Variants in MCUB observed in about 807,000 individuals in gnomAD.
MCUB encodes mitochondrial calcium uniporter dominant negative subunit beta.
A neutral mutation model predicts 41.4 loss-of-function variants in MCUB; 46 were observed. The observed-to-expected ratio is 1.11, with a 90% CI of 0.88 to 1.42. The LOEUF is 1.42. MCUB is among the 40% of genes most tolerant of loss of function. The pLI, the probability that MCUB is intolerant of heterozygous loss-of-function variation, is 0.00. For missense variants in MCUB, 403 were observed against 404.9 expected (o/e 1.00, Z 0.04); for synonymous variants, 148 against 148.2 (o/e 1.00, Z 0.01).
chr4:109,686,313 A>G (rs1442108163), intron 7 of MCUB, among the ~76,000 whole-genome samples: 1 of 152,028 alleles, frequency 6.6e-6, no homozygotes, highest in Non-Finnish European at 1.5e-5. Context: ...TACTTTTTGT[A>G]TTTTTAGTAG....
At chr4:109,674,900 C>T (rs1231054753) in intron 4 of MCUB, among the ~76,000 whole-genome samples, 2 of 152,204 alleles carry the variant, frequency 1.3e-5, no homozygotes, top group Non-Finnish European at 2.9e-5. Context: ...AAACATTGAA[C>T]TGAACAAATT....
intron 1 of MCUB, among the ~76,000 whole-genome samples, chr4:109,621,864 G>A (rs530723533): frequency 2.6e-5 from 4 of 152,102 alleles, no homozygotes; most frequent in African/African-American, 9.6e-5. Flanking sequence ...TTATAATGTG[G>A]GGATTTTAGG....
chr4:109,574,371 C>T (rs1369944986), intron 1 of MCUB, among the ~76,000 whole-genome samples: 1 of 152,110 alleles, frequency 6.6e-6, no homozygotes, highest in Non-Finnish European at 1.5e-5. Context: ...TAATAGACTG[C>T]TTCTTGAAGT....
At chr4:109,566,942 C>T (rs1027105077) in intron 1 of MCUB, among the ~76,000 whole-genome samples, 2 of 152,244 alleles carry the variant, frequency 1.3e-5, no homozygotes, top group Admixed American at 6.5e-5. Context: ...GAAACCCCAT[C>T]TCTACTAAAA....
At chr4:109,653,570 A>T (rs912447439) in intron 1 of MCUB, among the ~76,000 whole-genome samples, 1 of 151,998 alleles carries the variant, frequency 6.6e-6, no homozygotes, top group Non-Finnish European at 1.5e-5. Context: ...ACTAGAATTT[A>T]GGCTATTAAG....
chr4:109,607,903 CTT>C (rs1727916052), intron 1 of MCUB, among the ~76,000 whole-genome samples: 1 of 152,062 alleles, frequency 6.6e-6, no homozygotes, highest in Non-Finnish European at 1.5e-5. Flanking sequence ...TGTTTTGTAA[CTT>C]TCTTGTATTT....
In MCUB at chr4:109,687,498, TC is replaced by T; in HGVS notation, c.934-16del. 6.3e-7 allele frequency: 1 copy of T among 1,589,256 alleles called. No individual in the cohort carries two copies. The highest frequency in any genetic ancestry group is 8.6e-7 in the Non-Finnish European group (1 of 1,159,664). The stretch of plus-strand genomic sequence containing the variant: ...CTCTTCTTTCTGATCACATGCTTTT[TC>T]TTTTTCCCATGACAGGCTAAAGAAT... On this transcript the variant is annotated splice_polypyrimidine_tract_variant and intron_variant, in intron 7 of 7. Coordinates refer to ENST00000394650, the MANE Select transcript of MCUB (RefSeq NM_017918.5).
At position 109,660,188 on chromosome 4, in the gene MCUB, T is replaced by C; in HGVS notation, c.176-7T>C. On this transcript the variant is annotated splice_region_variant and splice_polypyrimidine_tract_variant and intron_variant, in intron 2 of 7. Coordinates refer to ENST00000394650, the MANE Select transcript of MCUB (RefSeq NM_017918.5). ...TACTCATTTTTTTTTCTTTTTTTCC[T>C]TAACAGAAATAACAGTTATTTATAG... is the stretch of plus-strand genomic sequence containing the variant. The C allele has an allele frequency of 7.2e-7, 1 of 1,396,228 alleles. No individual in the cohort carries two copies. The highest frequency in any genetic ancestry group is 9.7e-7 in the Non-Finnish European group (1 of 1,030,940). The allele number at this position is 1,396,228 out of a possible 1,614,324, so 86.5% of individuals were successfully genotyped here.
chr4:109,572,025 TG>T (rs200019617), intron 1 of MCUB, among the ~76,000 whole-genome samples: 1 of 152,240 alleles, frequency 6.6e-6, no homozygotes, highest in East Asian at 1.9e-4. Context: ...AGTTTTGTTT[TG>T]GGGGTCACTG....
At chr4:109,623,252 T>G (rs916883846) in intron 1 of MCUB, among the ~76,000 whole-genome samples, 1 of 152,278 alleles carries the variant, frequency 6.6e-6, no homozygotes, top group East Asian at 1.9e-4. Context: ...TATCGAAAAA[T>G]TACTTGTCAT....
intron 1 of MCUB, among the ~76,000 whole-genome samples, chr4:109,619,187 C>CT (rs1728199730): frequency 6.6e-6 from 1 of 152,134 alleles, no homozygotes; most frequent in Non-Finnish European, 1.5e-5. Flanking sequence ...CTGCCTCAGC[C>CT]TCCTCAGCCT....
intron 1 of MCUB, among the ~76,000 whole-genome samples, chr4:109,653,549 A>G (rs1234352057): frequency 6.6e-6 from 1 of 151,966 alleles, no homozygotes; most frequent in Non-Finnish European, 1.5e-5. Context: ...TTTTCTATTG[A>G]CTTTATTCAG....
At chr4:109,613,550 C>T (rs140690750) in intron 1 of MCUB, among the ~76,000 whole-genome samples, 150 of 152,320 alleles carry the variant, frequency 9.8e-4, no homozygotes, top group Non-Finnish European at 1.7e-3. Flanking sequence ...AACATGGAAG[C>T]TTGTTTCATC....
intron 1 of MCUB, among the ~76,000 whole-genome samples, chr4:109,590,369 G>T (rs1727401877): frequency 1.3e-5 from 2 of 152,126 alleles, no homozygotes; most frequent in South Asian, 4.1e-4. Flanking sequence ...AAACACTGAT[G>T]AGAATAGTGA....
chr4:109,603,628 G>A (rs197209), intron 1 of MCUB, among the ~76,000 whole-genome samples: 33,614 of 150,924 alleles, frequency 0.22, 4,596 homozygotes, highest in South Asian at 0.34. Flanking sequence ...GCCTCTGCCC[G>A]GCCACCACCC....
chr4:109,592,249 A>C (rs1727453511), intron 1 of MCUB, among the ~76,000 whole-genome samples: 2 of 151,632 alleles, frequency 1.3e-5, no homozygotes. Context: ...ATCTCTACTA[A>C]AAATACAAAA....
At chr4:109,598,031 T>C in intron 1 of MCUB, among the ~76,000 whole-genome samples, 1 of 148,040 alleles carries the variant, frequency 6.8e-6, no homozygotes, top group Non-Finnish European at 1.5e-5. Flanking sequence ...ACTTCCTAGA[T>C]GGGATGGCGG....
intron 1 of MCUB, among the ~76,000 whole-genome samples, chr4:109,608,184 A>G (rs1033667721): frequency 1.3e-5 from 2 of 152,154 alleles, no homozygotes; most frequent in African/African-American, 4.8e-5. Context: ...ATTCTGATGC[A>G]TTCTTCAGTA....
rs115963307 is a variant in MCUB, at chr4:109,629,903, C to G, written c.100-29108C>G. Among the ~76,000 whole-genome samples, 490 of 152,306 alleles carry G rather than the reference C, an allele frequency of 3.2e-3. 3 individuals carry two copies. The highest frequency in any genetic ancestry group is 0.011 in the African/African-American group (464 of 41,556). ...GTGATCAACTTAACCTTCAGCTTCT[C>G]CCCCACTTCCTGGAGATTGGGCAGT... is the stretch of plus-strand genomic sequence containing the variant. On this transcript the variant is annotated intron_variant, in intron 1 of 7. Coordinates refer to ENST00000394650, the MANE Select transcript of MCUB (RefSeq NM_017918.5).
Sources: allele counts gnomAD v4.1 joint callset (sites outside exome capture counted in the v4.1 genomes callset), GRCh38; gene constraint gnomAD v4.1.1; transcripts MANE v1.5; gene names NCBI Gene and HGNC (gene_info 2026-07-23, HGNC 2026-07-21).